Variants in TEAD1 observed in about 807,000 individuals in gnomAD.
The protein encoded by TEAD1 is transcriptional enhancer factor TEF-1.
A neutral mutation model predicts 54.9 loss-of-function variants in TEAD1; 9 were observed. The observed-to-expected ratio is 0.16, with a 90% CI of 0.10 to 0.29. The LOEUF (loss-of-function observed/expected upper bound fraction) is 0.29. TEAD1 is among the 10% of genes least tolerant of loss of function. The pLI, the probability that TEAD1 is intolerant of heterozygous loss-of-function variation, is 1.00. For synonymous variants in TEAD1, 200 were observed against 187.8 expected (o/e 1.07, Z -0.53); for missense variants, 387 against 535.9 (o/e 0.72, Z 2.74).
chr11:12,855,273 T>C (rs558100805), intron 3 of TEAD1, among the ~76,000 whole-genome samples: 5 of 152,174 alleles, frequency 3.3e-5, no homozygotes, highest in Non-Finnish European at 7.4e-5. Context: ...CTTTCTTTTT[T>C]TTTCTTTTTT....
intron 2 of TEAD1, among the ~76,000 whole-genome samples, chr11:12,733,632 G>A (rs1344574822): frequency 6.6e-6 from 1 of 152,162 alleles, no homozygotes. Flanking sequence ...TGTGCATGGT[G>A]GTATCTGTCA....
intron 3 of TEAD1, among the ~76,000 whole-genome samples, chr11:12,813,313 A>G (rs1946345370): frequency 6.6e-6 from 1 of 152,228 alleles, no homozygotes; most frequent in Non-Finnish European, 1.5e-5. Flanking sequence ...CCATCTTCCA[A>G]TCAGCCATCA....
intron 2 of TEAD1, among the ~76,000 whole-genome samples, chr11:12,726,667 C>T (rs138615760): frequency 1.2e-3 from 189 of 152,090 alleles, no homozygotes; most frequent in African/African-American, 4.3e-3. Flanking sequence ...CCAGCAGGGG[C>T]AACATGGCGA....
chr11:12,744,964 G>C (rs1944717491), intron 2 of TEAD1, among the ~76,000 whole-genome samples: 1 of 152,194 alleles, frequency 6.6e-6, no homozygotes, highest in South Asian at 2.1e-4. Context: ...TCCCTGAGCT[G>C]TGCTCTGCTC....
chr11:12,906,473 G>A (rs138933978), intron 10 of TEAD1, among the ~76,000 whole-genome samples: 5,391 of 151,660 alleles, frequency 0.036, 293 homozygotes, highest in African/African-American at 0.12. Flanking sequence ...CCTGGGAGGC[G>A]GAGGTTGCAG....
At chr11:12,777,482 C>T (rs892488006) in intron 3 of TEAD1, among the ~76,000 whole-genome samples, 1 of 152,184 alleles carries the variant, frequency 6.6e-6, no homozygotes, top group African/African-American at 2.4e-5. Flanking sequence ...CAGTAGCTTC[C>T]ATGACCGCTT....
At chr11:12,917,077 A>C (rs1385512450) in intron 10 of TEAD1, among the ~76,000 whole-genome samples, 2 of 152,204 alleles carry the variant, frequency 1.3e-5, no homozygotes, top group African/African-American at 4.8e-5. Context: ...TACATGGCAA[A>C]GGGGAATTAA....
chr11:12,796,718 C>T (rs1302632354), intron 3 of TEAD1, among the ~76,000 whole-genome samples: 1 of 149,330 alleles, frequency 6.7e-6, no homozygotes, highest in Admixed American at 6.6e-5. Flanking sequence ...AGAGCTAGAT[C>T]CTGACTCAAA....
chr11:12,867,776 G>T (rs762703596), intron 5 of TEAD1, among the ~76,000 whole-genome samples: 1 of 152,124 alleles, frequency 6.6e-6, no homozygotes, highest in African/African-American at 2.4e-5. Flanking sequence ...AGATAAACTC[G>T]CTACAGATAA....
intron 2 of TEAD1, among the ~76,000 whole-genome samples, chr11:12,752,860 T>A (rs80205515): frequency 6.8e-6 from 1 of 147,486 alleles, no homozygotes; most frequent in Non-Finnish European, 1.5e-5. Flanking sequence ...TTTTTTTTTT[T>A]AAGACAGTGT....
At chr11:12,703,110 A>G (rs1180552471) in intron 2 of TEAD1, among the ~76,000 whole-genome samples, 2 of 151,982 alleles carry the variant, frequency 1.3e-5, no homozygotes, top group African/African-American at 4.8e-5. Flanking sequence ...TCATCACCCA[A>G]CCAATGAGCG....
intron 3 of TEAD1, among the ~76,000 whole-genome samples, chr11:12,860,896 G>A (rs1375134052): frequency 1.3e-5 from 2 of 152,222 alleles, no homozygotes; most frequent in Non-Finnish European, 2.9e-5. Flanking sequence ...ACTTCCCCAA[G>A]GGAGTGACAT....
At chr11:12,718,308 C>G (rs1304373414) in intron 2 of TEAD1, among the ~76,000 whole-genome samples, 1 of 152,162 alleles carries the variant, frequency 6.6e-6, no homozygotes, top group African/African-American at 2.4e-5. Context: ...CCTAGCCTCT[C>G]AGAGCATGAA....
At position 12,941,544 on chromosome 11, in the gene TEAD1, A is replaced by T. The variant is rs1949162261; in HGVS notation, c.*4322A>T. On this transcript the variant is annotated 3_prime_UTR_variant, in exon 13 of 13. Coordinates refer to ENST00000527636, the MANE Select transcript of TEAD1 (RefSeq NM_021961.6). The stretch of plus-strand genomic sequence containing the variant: ...TGACAGTCAATTTTACAAACCAGGT[A>T]CATATTAATTTGTATAATTTTGTAT... 6.6e-6 allele frequency: 1 copy of T among 152,602 alleles called. No homozygotes were observed. The highest frequency in any genetic ancestry group is 6.5e-5 in the Admixed American group (1 of 15,278). 9.5% of individuals were successfully genotyped at this position (152,602 alleles called of 1,614,324 possible).
At chr11:12,830,580 C>T (rs889504051) in intron 3 of TEAD1, among the ~76,000 whole-genome samples, 1 of 152,124 alleles carries the variant, frequency 6.6e-6, no homozygotes, top group Middle Eastern at 3.2e-3. Context: ...CCCCTTTGTT[C>T]TTGAGTGCCT....
At chr11:12,850,560 A>C (rs556964511) in intron 3 of TEAD1, among the ~76,000 whole-genome samples, 1 of 152,340 alleles carries the variant, frequency 6.6e-6, no homozygotes, top group African/African-American at 2.4e-5. Flanking sequence ...AGGTAAGGAA[A>C]TAGAGGTCTA....
At chr11:12,852,135 G>A (rs1286100860) in intron 3 of TEAD1, among the ~76,000 whole-genome samples, 1 of 152,180 alleles carries the variant, frequency 6.6e-6, no homozygotes, top group South Asian at 2.1e-4. Context: ...AGGCATGGAG[G>A]TATCTTTGGA....
At chr11:12,790,077 C>G (rs1405728053) in intron 3 of TEAD1, among the ~76,000 whole-genome samples, 1 of 152,272 alleles carries the variant, frequency 6.6e-6, no homozygotes, top group Non-Finnish European at 1.5e-5. Flanking sequence ...TGTTCCTGGA[C>G]TGCTGGCTGG....
intron 5 of TEAD1, among the ~76,000 whole-genome samples, chr11:12,877,034 C>A (rs1391959241): frequency 6.6e-6 from 1 of 152,280 alleles, no homozygotes; most frequent in East Asian, 1.9e-4. Context: ...TCCTCAGTAT[C>A]TGACATGTTT....
Sources: gnomAD v4.1 joint callset for allele counts (sites outside exome capture counted in the v4.1 genomes callset) on GRCh38, gnomAD v4.1.1 for gene constraint, MANE v1.5 for transcripts, NCBI Gene and HGNC (gene_info 2026-07-23, HGNC 2026-07-21) for gene names.